Variants in TNIK observed in about 807,000 individuals in gnomAD.
TNIK encodes the protein TRAF2 and NCK-interacting protein kinase.
A neutral mutation model predicts 191.3 loss-of-function variants in TNIK; 49 were observed. The observed-to-expected ratio is 0.26, with a 90% CI of 0.20 to 0.32. The LOEUF (loss-of-function observed/expected upper bound fraction) is 0.32, where lower values mean the gene tolerates loss of function less well. Among genes scored for constraint, TNIK ranks in the 10% least tolerant of loss-of-function variants. The pLI, the probability that TNIK is intolerant of heterozygous loss-of-function variation, is 1.00. For missense variants in TNIK, 1,155 were observed against 1,702.3 expected, an observed-to-expected ratio of 0.68 and a Z score of 5.66; for synonymous variants, 594 against 600.9, an observed-to-expected ratio of 0.99 and a Z score of 0.17.
chr3:171,435,756 T>C (rs1189355869), intron 1 of TNIK, among the ~76,000 whole-genome samples: 1 of 152,240 alleles, frequency 6.6e-6, no homozygotes, highest in Non-Finnish European at 1.5e-5. Flanking sequence ...ATACTGTTAA[T>C]TAGCAATTTT....
chr3:171,317,363 G>T (rs1416853573), intron 2 of TNIK, among the ~76,000 whole-genome samples: 1 of 152,144 alleles, frequency 6.6e-6, no homozygotes, highest in Non-Finnish European at 1.5e-5. Flanking sequence ...CAAGCACCAT[G>T]ATAGTGGGAT....
chr3:171,091,101 T>C (rs763630783), intron 23 of TNIK, among the ~76,000 whole-genome samples: 25 of 152,218 alleles, frequency 1.6e-4, no homozygotes, highest in Non-Finnish European at 3.2e-4. Context: ...ATGTGTCAAC[T>C]TGACTAGACC....
intron 1 of TNIK, among the ~76,000 whole-genome samples, chr3:171,435,665 G>T (rs978124962): frequency 2.0e-5 from 3 of 151,986 alleles, no homozygotes; most frequent in Admixed American, 6.6e-5. Flanking sequence ...ATGTCCTTTG[G>T]TCTACTAATA....
At chr3:171,186,254 A>T (rs991625553) in intron 7 of TNIK, among the ~76,000 whole-genome samples, 2 of 152,236 alleles carry the variant, frequency 1.3e-5, no homozygotes, top group African/African-American at 4.8e-5. Context: ...GCCAAGAAAG[A>T]AGTAGTAAGG....
chr3:171,196,954 A>G (rs2108854474), intron 4 of TNIK, among the ~76,000 whole-genome samples: 1 of 152,164 alleles, frequency 6.6e-6, no homozygotes, highest in Non-Finnish European at 1.5e-5. Flanking sequence ...ACGGGGTTTC[A>G]CCATGTTAGC....
intron 3 of TNIK, among the ~76,000 whole-genome samples, chr3:171,227,808 C>G (rs1337677650): frequency 6.6e-6 from 1 of 152,002 alleles, no homozygotes; most frequent in African/African-American, 2.4e-5. Context: ...TTTTTTTTGA[C>G]TAACAGTGGT....
chr3:171,216,578 A>C (rs937260221), intron 3 of TNIK, among the ~76,000 whole-genome samples: 6 of 152,200 alleles, frequency 3.9e-5, no homozygotes, highest in Non-Finnish European at 5.9e-5. Context: ...TAGCAGCACA[A>C]ATTAACAGGC....
At chr3:171,266,762 C>T (rs535386713) in intron 2 of TNIK, among the ~76,000 whole-genome samples, 28 of 152,300 alleles carry the variant, frequency 1.8e-4, no homozygotes, top group Non-Finnish European at 3.5e-4. Flanking sequence ...GAAAACACTT[C>T]CTTCCTCTGG....
chr3:171,421,521 G>A (rs1011710817), intron 1 of TNIK, among the ~76,000 whole-genome samples: 3 of 152,084 alleles, frequency 2.0e-5, no homozygotes, highest in African/African-American at 7.2e-5. Flanking sequence ...GCCCTTTTGG[G>A]TGTGGGTGCC....
At chr3:171,158,979 G>T (rs763079558) in intron 11 of TNIK, among the ~76,000 whole-genome samples, 1 of 152,202 alleles carries the variant, frequency 6.6e-6, no homozygotes, top group Non-Finnish European at 1.5e-5. Flanking sequence ...AGAGCAGAGT[G>T]AATGAGAGGG....
At chr3:171,103,548 T>C (rs1469552182) in intron 21 of TNIK, among the ~76,000 whole-genome samples, 3 of 152,166 alleles carry the variant, frequency 2.0e-5, no homozygotes, top group Admixed American at 6.6e-5. Flanking sequence ...AAGAAAAGGA[T>C]ATTATCATCC....
chr3:171,216,895 G>A (rs1210885013), intron 3 of TNIK, among the ~76,000 whole-genome samples: 2 of 152,010 alleles, frequency 1.3e-5, no homozygotes, highest in African/African-American at 2.4e-5. Flanking sequence ...GTCATCCAAC[G>A]AGTTGTCTAA....
intron 5 of TNIK, among the ~76,000 whole-genome samples, chr3:171,191,420 T>C (rs1738051218): frequency 6.6e-6 from 1 of 152,164 alleles, no homozygotes; most frequent in African/African-American, 2.4e-5. Context: ...TTTATTTTAG[T>C]ACAGACAGGG....
At chr3:171,113,189 A>C (rs1249059061) in intron 18 of TNIK, among the ~76,000 whole-genome samples, 1 of 152,196 alleles carries the variant, frequency 6.6e-6, no homozygotes, top group East Asian at 1.9e-4. Flanking sequence ...GAATTGCTTA[A>C]TTAAATCCTT....
In TNIK at chr3:171,335,724, A is replaced by T. The variant is rs146838507; in HGVS notation, c.123+33896T>A. On this transcript the variant is annotated intron_variant, in intron 2 of 32. Transcript: ENST00000436636. ...TTTGGCTATTATGACTAAAGCTCCT[A>T]TGACCATTCAATACAGATCTTGGTA... is the stretch of plus-strand genomic sequence containing the variant. 7.2e-4 allele frequency among the ~76,000 whole-genome samples: 110 copies of T among 152,274 alleles called. No individual in the cohort carries two copies. In the East Asian group the frequency reaches 0.017, roughly 24 times the overall value.
chr3:171,070,724 G>A lies in TNIK; in HGVS notation c.3549+499C>T, dbSNP rs942074946. ...AAATGAAAAGGCAATCAAAATAGAA[G>A]AATGCAGAGAAACTAGGTCATTTCT... On this transcript the variant is annotated intron_variant, in intron 29 of 32. Coordinates refer to ENST00000436636, the MANE Select transcript of TNIK (RefSeq NM_015028.4). Among the ~76,000 whole-genome samples the A allele has an allele frequency of 3.9e-5, 6 of 152,266 alleles. No individual in the cohort carries two copies. In the East Asian group the frequency reaches 1.2e-3, roughly 29 times the overall value.
chr3:171,332,920 T>C (rs1756548107), intron 2 of TNIK, among the ~76,000 whole-genome samples: 3 of 152,130 alleles, frequency 2.0e-5, no homozygotes, highest in African/African-American at 7.2e-5. Flanking sequence ...TTGGGGACAT[T>C]TTTGTCAGAA....
At chr3:171,235,205 C>T (rs1036354739) in intron 2 of TNIK, among the ~76,000 whole-genome samples, 1 of 152,112 alleles carries the variant, frequency 6.6e-6, no homozygotes, top group Non-Finnish European at 1.5e-5. Context: ...CCATGCCCAG[C>T]TAATTTTTGT....
intron 4 of TNIK, among the ~76,000 whole-genome samples, chr3:171,203,961 G>A (rs1334090387): frequency 2.0e-5 from 3 of 152,118 alleles, no homozygotes; most frequent in Non-Finnish European, 4.4e-5. Context: ...TTCCTGTTAC[G>A]AGATATTCTA....
Sources: gnomAD v4.1 joint callset for allele counts (sites outside exome capture counted in the v4.1 genomes callset) on GRCh38, gnomAD v4.1.1 for gene constraint, MANE v1.5 for transcripts, NCBI Gene and HGNC (gene_info 2026-07-23, HGNC 2026-07-21) for gene names.